Variants in CRIPTO observed in about 807,000 individuals in gnomAD.
The protein encoded by CRIPTO is protein Cripto.
At chr3:46,580,173 C>A in the CRIPTO span, 54 of 1,412,588 alleles carry the variant, frequency 3.8e-5, no homozygotes, top group Non-Finnish European at 5.1e-5. Flanking sequence ...GCCTGGCAGC[C>A]AAAGTTCTGC....
the CRIPTO span, chr3:46,582,194 C>T: frequency 6.6e-6 from 1 of 152,174 alleles, no homozygotes; most frequent in African/African-American, 2.4e-5. Context: ...CTATATAAGA[C>T]AAGAACTCCC....
chr3:46,580,928 T>G, the CRIPTO span, among the ~76,000 whole-genome samples: 6 of 152,254 alleles, frequency 3.9e-5, no homozygotes, highest in Non-Finnish European at 7.4e-5. Context: ...ACATGTTCTC[T>G]TCCTGGAACA....
the CRIPTO span, chr3:46,580,055 G>C: frequency 6.2e-7 from 1 of 1,614,248 alleles, no homozygotes; most frequent in South Asian, 1.1e-5. Context: ...TTTCTACCCG[G>C]CTGTGGTAAG....
chr3:46,581,074 C>T, the CRIPTO span: 4 of 1,275,676 alleles, frequency 3.1e-6, no homozygotes, highest in Non-Finnish European at 4.6e-6. Context: ...CATTTGTGGG[C>T]AGCAGGATGA....
chr3:46,580,810 G>C, the CRIPTO span, among the ~76,000 whole-genome samples: 1 of 152,178 alleles, frequency 6.6e-6, no homozygotes, highest in Non-Finnish European at 1.5e-5. Flanking sequence ...GAACAGGAAG[G>C]AATTCCCCAA....
chr3:46,576,658 T>C, the CRIPTO span, among the ~76,000 whole-genome samples: 1 of 152,118 alleles, frequency 6.6e-6, no homozygotes, highest in East Asian at 1.9e-4. Flanking sequence ...TGGAAACAAC[T>C]ATCTAATAAA....
chr3:46,576,675 G>A, the CRIPTO span, among the ~76,000 whole-genome samples: 2 of 152,018 alleles, frequency 1.3e-5, no homozygotes, highest in African/African-American at 4.8e-5. Context: ...TAAAAGTTTC[G>A]CATTTGTGTG....
the CRIPTO span, among the ~76,000 whole-genome samples, chr3:46,578,817 A>G: frequency 6.6e-6 from 1 of 152,224 alleles, no homozygotes; most frequent in Non-Finnish European, 1.5e-5. Context: ...CATGTGAAAT[A>G]GAAGATAAAA....
chr3:46,579,255 C>T, the CRIPTO span: 39 of 1,614,036 alleles, frequency 2.4e-5, no homozygotes, highest in East Asian at 4.5e-5. Flanking sequence ...GGAATTTGCT[C>T]GTCCATCTCG....
At chr3:46,581,103 T>C in the CRIPTO span, 4 of 1,566,244 alleles carry the variant, frequency 2.6e-6, no homozygotes, top group Non-Finnish European at 3.5e-6. Flanking sequence ...AGAGGTTTGC[T>C]TTAATGACCA....
the CRIPTO span, among the ~76,000 whole-genome samples, chr3:46,574,834 T>C: frequency 3.3e-5 from 5 of 152,368 alleles, no homozygotes; most frequent in South Asian, 1.0e-3. Context: ...CATTCCACCA[T>C]TCTTGTTTGG....
At chr3:46,581,186 C>T in the CRIPTO span, 24 of 1,614,090 alleles carry the variant, frequency 1.5e-5, no homozygotes, top group Non-Finnish European at 1.2e-5. Flanking sequence ...GAACTACCAC[C>T]GTCTGCACGT....
At chr3:46,577,634 C>T in the CRIPTO span, 11 of 422,402 alleles carry the variant, frequency 2.6e-5, no homozygotes, top group African/African-American at 1.8e-4. Flanking sequence ...CAAGACTCCT[C>T]TTCCCGCGTG....
chr3:46,579,950 G>A, the CRIPTO span: 4 of 1,614,216 alleles, frequency 2.5e-6, no homozygotes, highest in South Asian at 2.2e-5. Flanking sequence ...TTCATTCTCA[G>A]GAACTGTGGG....
the CRIPTO span, chr3:46,579,623 A>G: frequency 7.8e-7 from 1 of 1,287,766 alleles, no homozygotes; most frequent in Non-Finnish European, 1.1e-6. Flanking sequence ...CTCTGCTCAA[A>G]GGCACAGAGA....
chr3:46,579,968 C>G, the CRIPTO span: 7 of 1,614,200 alleles, frequency 4.3e-6, no homozygotes, highest in Non-Finnish European at 5.9e-6. Context: ...GGGTCTGTGC[C>G]CCATGACACC....
At chr3:46,579,746 G>A in the CRIPTO span, 2 of 1,612,724 alleles carry the variant, frequency 1.2e-6, no homozygotes, top group Non-Finnish European at 1.7e-6. Context: ...CAGGTAAGGA[G>A]CTAAACAGAA....
the CRIPTO span, chr3:46,577,992 G>T: frequency 1.2e-6 from 2 of 1,614,028 alleles, no homozygotes; most frequent in Middle Eastern, 1.6e-4. Flanking sequence ...AAGATGGCCC[G>T]CTTCTCTTAC....
At chr3:46,576,918 C>A in the CRIPTO span, among the ~76,000 whole-genome samples, 2 of 151,890 alleles carry the variant, frequency 1.3e-5, no homozygotes. Flanking sequence ...CATCAGAGTC[C>A]GGGGGTAATT....
Sources: gnomAD v4.1 joint callset for allele counts (sites outside exome capture counted in the v4.1 genomes callset) on GRCh38, gnomAD v4.1.1 for gene constraint, MANE v1.5 for transcripts, NCBI Gene and HGNC (gene_info 2026-07-23, HGNC 2026-07-21) for gene names.